The following DARS2 variants were observed in gnomAD, a reference collection of about 807,000 sequenced individuals.
The protein encoded by DARS2 is aspartate--tRNA ligase, mitochondrial.
In DARS2, 63 loss-of-function variants were observed where a neutral mutation model predicts 83.0. The observed-to-expected ratio is 0.76, with a 90% confidence interval of 0.62 to 0.94. DARS2 has a LOEUF of 0.94. Among genes scored for constraint, DARS2 ranks in the 40% least tolerant of loss-of-function variants. The probability of loss-of-function intolerance (pLI) is 0.00; values close to 1 mark genes in which losing one functional copy is unlikely to be tolerated. For synonymous variants in DARS2, 250 were observed against 269.3 expected (o/e 0.93, Z 0.70); for missense variants, 675 against 774.4 (o/e 0.87, Z 1.52).
Position 173,831,516 on chromosome 1 carries a change from T to A in DARS2, c.397-19T>A. 6.3e-7 allele frequency: 1 copy of A among 1,582,438 alleles called. No homozygotes were observed. The highest frequency in any genetic ancestry group is 8.7e-7 in the Non-Finnish European group (1 of 1,151,186). ...TCCTGATGAGTAATTTTTAAAACCC[T>A]TCCTTCTCACTCTCCAAGAAAATGC... On this transcript the variant is annotated intron_variant, in intron 4 of 16. Transcript: ENST00000649689.
intron 12 of DARS2, among the ~76,000 whole-genome samples, chr1:173,849,938 T>G (rs6691001): frequency 0.32 from 47,090 of 145,480 alleles, 8,544 homozygotes; most frequent in African/African-American, 0.51. Flanking sequence ...GCTCACTGCA[T>G]CCTCTACCTT....
Position 173,857,777 on chromosome 1 carries a change from T to C in DARS2, c.*72T>C. On this transcript the variant is annotated 3_prime_UTR_variant, in exon 17 of 17. Coordinates refer to ENST00000649689, the MANE Select transcript of DARS2 (RefSeq NM_018122.5). Reference sequence around the variant, plus strand: ...TTGCTTCCCCAAGGCTAAAGTCAGATCTAGAGTTCTGCCACAGGTCTAACA... The same window carrying C: ...TTGCTTCCCCAAGGCTAAAGTCAGACCTAGAGTTCTGCCACAGGTCTAACA... 7 of 1,520,486 alleles carry C rather than the reference T, an allele frequency of 4.6e-6. No homozygotes were observed. In the Admixed American group the frequency reaches 1.2e-4, roughly 26 times the overall value. 94.2% of individuals were successfully genotyped at this position (1,520,486 alleles called of 1,614,324 possible). A position where few individuals can be genotyped will look rare whatever the true frequency, so the allele number is the denominator to read the frequency against.
intron 12 of DARS2, among the ~76,000 whole-genome samples, chr1:173,845,737 T>C (rs1653409943): frequency 1.3e-5 from 2 of 151,888 alleles, no homozygotes; most frequent in Admixed American, 1.3e-4. Flanking sequence ...CGAAAAAAAA[T>C]TGGGCTGGGC....
chr1:173,828,259 T>C, intron 2 of DARS2, 74 bp from the exon 3 acceptor site: 3 of 1,455,502 alleles, frequency 2.1e-6, no homozygotes, highest in South Asian at 2.5e-5. Flanking sequence ...GTTTGCTTTT[T>C]ATTTTGTATG....
At chr1:173,851,914 G>C in intron 13 of DARS2, 1 of 985,170 alleles carries the variant, frequency 1.0e-6, no homozygotes, top group South Asian at 4.7e-5. Flanking sequence ...AATGAAGAAA[G>C]CTATTTATTT....
intron 1 of DARS2, 28 bp downstream of exon 1, chr1:173,825,384 T>A (rs750642916): frequency 1.2e-6 from 2 of 1,608,064 alleles, no homozygotes; most frequent in Non-Finnish European, 1.7e-6. Context: ...ATCTATCCTA[T>A]GAACAGTACT....
intron 13 of DARS2, among the ~76,000 whole-genome samples, chr1:173,850,975 C>T (rs1362722826): frequency 3.3e-5 from 5 of 151,888 alleles, no homozygotes; most frequent in South Asian, 2.1e-4. Flanking sequence ...TGGTGGCTAA[C>T]GCCTGTAATC....
Position 173,834,524 on chromosome 1 carries a change from G to A in DARS2, c.663+5G>A, listed in dbSNP as rs371509801. 1.3e-6 allele frequency: 2 copies of A among 1,598,586 alleles called. No homozygotes were observed. The highest frequency in any genetic ancestry group is 1.3e-5 in the African/African-American group (1 of 74,584). On this transcript the variant is annotated splice_donor_5th_base_variant and intron_variant, in intron 7 of 16. Transcript: ENST00000649689. The stretch of plus-strand genomic sequence containing the variant: ...TTGTTTAAGAGGACCCCAGGGGTAT[G>A]TATATTCCTTCAATCAGTCTATTAA...
intron 9 of DARS2, among the ~76,000 whole-genome samples, chr1:173,838,906 T>C (rs755937307): frequency 1.3e-5 from 2 of 152,036 alleles, no homozygotes; most frequent in Non-Finnish European, 2.9e-5. Flanking sequence ...CAGCTGATTT[T>C]TTGTGTTTTT....
At chr1:173,852,196 C>T (rs1653696283) in intron 13 of DARS2, 1 of 985,396 alleles carries the variant, frequency 1.0e-6, no homozygotes. Flanking sequence ...AATACCCTAT[C>T]ATGTCTCTAG....
rs761821824 is a variant in DARS2, at chr1:173,857,535, T to G, written c.1768T>G (p.Cys590Gly). ...ACTCACAGGGTTAGACAGACTGATATGCCTTGTCACTGGATCTCCAAGCAT... is the reference window on the plus strand; with the variant it reads ...ACTCACAGGGTTAGACAGACTGATAGGCCTTGTCACTGGATCTCCAAGCAT... ...GIALGLDRLI[C>G]LVTGSPSIRD... The change falls in exon 17 of 17, where the codon TGC (cysteine) becomes GGC (glycine). Residue 590 changes from cysteine to glycine, a missense_variant. Cys to Gly is a radical substitution (Grantham distance 159). Coordinates refer to ENST00000649689, the MANE Select transcript of DARS2 (RefSeq NM_018122.5). The G allele has an allele frequency of 1.2e-6, 2 of 1,614,210 alleles. No individual in the cohort carries two copies. Among genetic ancestry groups the G allele is most frequent in the Non-Finnish European group, 1.7e-6 (2 of 1,180,012 alleles).
In DARS2 at chr1:173,839,480, T is replaced by C; in HGVS notation, c.954T>C (p.Thr318=). 6.2e-7 allele frequency: 1 copy of C among 1,614,164 alleles called. No homozygotes were observed. The highest frequency in any genetic ancestry group is 8.5e-7 in the Non-Finnish European group (1 of 1,180,006). The change falls in exon 10 of 17, where the codon ACT becomes ACC. Residue 318 remains threonine (T), a synonymous_variant. Transcript: ENST00000649689. ...DKDPVVVPFP[T]MTFAEVLATY... The stretch of plus-strand genomic sequence containing the variant: ...ATCCTGTGGTTGTTCCTTTTCCTAC[T>C]ATGACTTTTGCTGAGGTGCTGGCCA...
intron 5 of DARS2, 48 bp from the exon 6 acceptor site, chr1:173,833,324 CCTTT>C (rs1652862120): frequency 2.0e-6 from 3 of 1,474,084 alleles, no homozygotes; most frequent in African/African-American, 1.4e-5. Flanking sequence ...AAAGATAATA[CCTTT>C]CTAATATTGA....
intron 11 of DARS2, among the ~76,000 whole-genome samples, chr1:173,841,184 G>A (rs543727643): frequency 1.2e-4 from 18 of 152,188 alleles, no homozygotes; most frequent in Non-Finnish European, 2.2e-4. Flanking sequence ...AGACCAGCCT[G>A]GCTAACATGG....
intron 11 of DARS2, among the ~76,000 whole-genome samples, chr1:173,843,961 T>C (rs1341887640): frequency 6.6e-6 from 1 of 152,206 alleles, no homozygotes; most frequent in African/African-American, 2.4e-5. Context: ...TAAGTTTATA[T>C]GTATTTTTGA....
chr1:173,845,534 C>T lies in DARS2; in HGVS notation c.1191+243C>T, dbSNP rs560161641. Reference sequence around the variant, plus strand: ...GCTGCCTTGATTTCTTAGGCTCAAGCAATGCTCCTGCCTCTTTCTCTCAAG... The same window carrying T: ...GCTGCCTTGATTTCTTAGGCTCAAGTAATGCTCCTGCCTCTTTCTCTCAAG... On this transcript the variant is annotated intron_variant, in intron 12 of 16. Coordinates refer to ENST00000649689, the MANE Select transcript of DARS2 (RefSeq NM_018122.5). 2.6e-5 allele frequency among the ~76,000 whole-genome samples: 4 copies of T among 152,298 alleles called. 1 individual carries two copies. Among genetic ancestry groups the T allele is most frequent in the African/African-American group, 9.6e-5 (4 of 41,578 alleles).
chr1:173,839,319 T>C (rs1191965550), intron 9 of DARS2, 48 bp from the exon 10 acceptor site: 1 of 1,540,544 alleles, frequency 6.5e-7, no homozygotes, highest in Middle Eastern at 1.7e-4. Flanking sequence ...TATATAAATG[T>C]GTATATATTG....
chr1:173,846,527 G>A (rs891976129), intron 12 of DARS2, among the ~76,000 whole-genome samples: 5 of 151,448 alleles, frequency 3.3e-5, no homozygotes, highest in Admixed American at 1.3e-4. Flanking sequence ...GCACGGAAGC[G>A]CATACCTGTA....
chr1:173,856,997 C>A (rs985228759), intron 16 of DARS2, among the ~76,000 whole-genome samples: 9 of 152,172 alleles, frequency 5.9e-5, no homozygotes, highest in African/African-American at 2.2e-4. Context: ...TTGTTCAAAT[C>A]CCCATGGCCT....
Sources: allele counts gnomAD v4.1 joint callset (sites outside exome capture counted in the v4.1 genomes callset), GRCh38; gene constraint gnomAD v4.1.1; transcripts MANE v1.5; gene names NCBI Gene and HGNC (gene_info 2026-07-23, HGNC 2026-07-21).